ARMH4: variants seen among roughly 807,000 people sequenced by gnomAD.
ARMH4 encodes armadillo like helical domain containing 4.
A neutral mutation model predicts 61.9 loss-of-function variants in ARMH4; 49 were observed. That is an observed-to-expected ratio of 0.79 (90% CI 0.63 to 1.00). ARMH4 has a LOEUF of 1.00. ARMH4 is among the 50% of genes least tolerant of loss of function. ARMH4 has a pLI of 0.00. For missense variants in ARMH4, 934 were observed against 930.0 expected, an observed-to-expected ratio of 1.00 and a Z score of -0.06; for synonymous variants, 368 against 341.5, an observed-to-expected ratio of 1.08 and a Z score of -0.85.
chr14:58,040,516 A>G (rs1320773994), intron 5 of ARMH4, among the ~76,000 whole-genome samples: 1 of 152,222 alleles, frequency 6.6e-6, no homozygotes, highest in Non-Finnish European at 1.5e-5. Context: ...ATAGCTGCAT[A>G]GTATTCCATG....
At chr14:58,026,527 T>A (rs950083843) in intron 5 of ARMH4, among the ~76,000 whole-genome samples, 2 of 152,090 alleles carry the variant, frequency 1.3e-5, no homozygotes, top group Non-Finnish European at 2.9e-5. Flanking sequence ...AAAAAGAAAA[T>A]AGTTTGGCCT....
intron 5 of ARMH4, among the ~76,000 whole-genome samples, chr14:58,077,669 G>A (rs1015222115): frequency 6.6e-6 from 1 of 152,176 alleles, no homozygotes; most frequent in Non-Finnish European, 1.5e-5. Context: ...CTCTGTATGG[G>A]TAAATATTAT....
rs1055356541 is a variant in ARMH4, at chr14:58,003,575, G to A, written c.*1161C>T. On this transcript the variant is annotated 3_prime_UTR_variant, in exon 8 of 8. Coordinates refer to ENST00000267485, the MANE Select transcript of ARMH4 (RefSeq NM_001001872.4). ...TCCTCAATCCCTAGATTCAAATAGC[G>A]CATTGGAATATCCTATTTTGTATAG... The A allele has an allele frequency of 6.6e-5, 10 of 152,234 alleles. No homozygotes were observed. Among genetic ancestry groups the A allele is most frequent in the East Asian group, 3.9e-4 (2 of 5,190 alleles). 9.4% of individuals were successfully genotyped at this position (152,234 alleles called of 1,614,324 possible).
chr14:58,059,543 T>G (rs1156792767), intron 5 of ARMH4, among the ~76,000 whole-genome samples: 2 of 152,234 alleles, frequency 1.3e-5, no homozygotes, highest in Non-Finnish European at 2.9e-5. Context: ...AGCTGCTGCC[T>G]GTGGATAGGG....
chr14:58,151,650 T>C (rs1887925536), intron 1 of ARMH4, among the ~76,000 whole-genome samples: 1 of 152,234 alleles, frequency 6.6e-6, no homozygotes, highest in Admixed American at 6.5e-5. Context: ...GATCGACGGT[T>C]TGAAAGGAGT....
At chr14:58,080,902 G>C (rs1885202467) in intron 5 of ARMH4, among the ~76,000 whole-genome samples, 1 of 152,080 alleles carries the variant, frequency 6.6e-6, no homozygotes, top group Non-Finnish European at 1.5e-5. Flanking sequence ...AGGAGTTTAA[G>C]ACCAGCCTGG....
chr14:58,144,577 A>G (rs901367102), intron 1 of ARMH4, among the ~76,000 whole-genome samples: 6 of 151,814 alleles, frequency 4.0e-5, no homozygotes, highest in Non-Finnish European at 8.8e-5. Flanking sequence ...ACAACAACAA[A>G]ACATATGAGG....
At chr14:58,135,064 G>A (rs1887260271) in intron 2 of ARMH4, among the ~76,000 whole-genome samples, 1 of 151,296 alleles carries the variant, frequency 6.6e-6, no homozygotes. Context: ...ATGTGTATTT[G>A]TTTGTTTTTC....
chr14:58,152,062 G>C lies in ARMH4; in HGVS notation c.-57+13C>G, dbSNP rs1007415242. On this transcript the variant is annotated intron_variant, in intron 1 of 7. Transcript: ENST00000267485. Reference sequence around the variant, plus strand: ...GCGGCCGCCCAAGTGGCCGGAGCCGGGCCCGTCCTCACCTGTGCGCCTTCA... The same window carrying C: ...GCGGCCGCCCAAGTGGCCGGAGCCGCGCCCGTCCTCACCTGTGCGCCTTCA... 6.5e-6 allele frequency: 1 copy of C among 153,048 alleles called. No individual in the cohort carries two copies. The highest frequency in any genetic ancestry group is 6.5e-5 in the Admixed American group (1 of 15,272). 9.5% of individuals were successfully genotyped at this position (153,048 alleles called of 1,614,324 possible). A position where few individuals can be genotyped will look rare whatever the true frequency, so the allele number is the denominator to read the frequency against.
intron 5 of ARMH4, among the ~76,000 whole-genome samples, chr14:58,086,779 T>A (rs943125254): frequency 1.3e-5 from 2 of 152,150 alleles, no homozygotes; most frequent in Non-Finnish European, 2.9e-5. Flanking sequence ...TAAATAATAC[T>A]GACAAATGAC....
At chr14:58,107,553 C>A (rs1886203531) in intron 4 of ARMH4, among the ~76,000 whole-genome samples, 1 of 152,032 alleles carries the variant, frequency 6.6e-6, no homozygotes, top group Non-Finnish European at 1.5e-5. Context: ...ATCATGAGGT[C>A]AGGAGATCGA....
intron 5 of ARMH4, among the ~76,000 whole-genome samples, chr14:58,054,883 A>AAT (rs1555338495): frequency 0.054 from 7,430 of 138,208 alleles, 231 homozygotes; most frequent in Non-Finnish European, 0.061. Flanking sequence ...AAAAAAAAAA[A>AAT]AATAATAATA....
At chr14:58,090,892 A>G (rs1463025683) in intron 5 of ARMH4, among the ~76,000 whole-genome samples, 4 of 149,530 alleles carry the variant, frequency 2.7e-5, no homozygotes, top group South Asian at 2.1e-4. Context: ...AAAAAAAAAA[A>G]AAAGAAAGAA....
chr14:58,010,160 T>C (rs1357428259), intron 6 of ARMH4, among the ~76,000 whole-genome samples: 2 of 152,150 alleles, frequency 1.3e-5, no homozygotes, highest in African/African-American at 4.8e-5. Flanking sequence ...TGTACTCAAA[T>C]AGTTTCTGAA....
chr14:58,026,359 T>C (rs1883021260), intron 5 of ARMH4, among the ~76,000 whole-genome samples: 1 of 152,088 alleles, frequency 6.6e-6, no homozygotes. Flanking sequence ...TCACTTCTCT[T>C]TACCTAAGCA....
chr14:58,063,282 A>G (rs1884590883), intron 5 of ARMH4, among the ~76,000 whole-genome samples: 1 of 152,196 alleles, frequency 6.6e-6, no homozygotes, highest in Non-Finnish European at 1.5e-5. Context: ...GACACCAGCC[A>G]TGTTAGATTA....
intron 5 of ARMH4, among the ~76,000 whole-genome samples, chr14:58,094,321 C>T (rs748801186): frequency 1.4e-4 from 12 of 85,546 alleles, no homozygotes; most frequent in Non-Finnish European, 2.5e-4. Flanking sequence ...CAGAGTGAGA[C>T]GCTTTCTCAA....
chr14:58,080,381 G>A (rs934722578), intron 5 of ARMH4, among the ~76,000 whole-genome samples: 5 of 152,030 alleles, frequency 3.3e-5, no homozygotes, highest in South Asian at 4.1e-4. Flanking sequence ...CACCCACCTC[G>A]GCCTCCCAAA....
Position 58,134,978 on chromosome 14 carries a change from T to G in ARMH4, c.1370-1637A>C, listed in dbSNP as rs148261647. ...TCTCAAAAAAAAAAAAAAAAAAAATTTATTAATGACATCATGGCATATCCT... is the reference window on the plus strand; with the variant it reads ...TCTCAAAAAAAAAAAAAAAAAAAATGTATTAATGACATCATGGCATATCCT... On this transcript the variant is annotated intron_variant, in intron 2 of 7. Transcript: ENST00000267485. Among the ~76,000 whole-genome samples the G allele has an allele frequency of 7.6e-3, 1,136 of 149,176 alleles. 17 individuals are homozygous for G. Among genetic ancestry groups the G allele is most frequent in the African/African-American group, 0.027 (1,071 of 39,606 alleles).
Sources: allele counts gnomAD v4.1 joint callset (sites outside exome capture counted in the v4.1 genomes callset), GRCh38; gene constraint gnomAD v4.1.1; transcripts MANE v1.5; gene names NCBI Gene and HGNC (gene_info 2026-07-23, HGNC 2026-07-21).